The following PABPC4L variants were observed in gnomAD, a reference collection of about 807,000 sequenced individuals.
The protein encoded by PABPC4L is poly(A) binding protein cytoplasmic 4 like, also known as polyadenylate-binding protein 4-like.
For missense variants in PABPC4L, 452 were observed against 451.4 expected (o/e 1.00, Z -0.01); for synonymous variants, 169 against 164.1 (o/e 1.03, Z -0.23).
chr4:133,963,393 G>A, the PABPC4L span, among the ~76,000 whole-genome samples: 19,659 of 151,872 alleles, frequency 0.13, 2,700 homozygotes, highest in East Asian at 0.49. Flanking sequence ...CAATAACAGT[G>A]GAAAACTTCA....
chr4:134,026,491 A>G, the PABPC4L span, among the ~76,000 whole-genome samples: 83 of 152,194 alleles, frequency 5.5e-4, no homozygotes, highest in Middle Eastern at 0.014. Context: ...GTCACCTAGA[A>G]TTATTTCAAA....
chr4:133,980,911 A>G, the PABPC4L span, among the ~76,000 whole-genome samples: 7 of 152,172 alleles, frequency 4.6e-5, 1 homozygote. Flanking sequence ...TAATCCCAAA[A>G]CTTTGGGAGG....
chr4:134,123,261 C>T, the PABPC4L span, among the ~76,000 whole-genome samples: 2 of 151,894 alleles, frequency 1.3e-5, no homozygotes, highest in Non-Finnish European at 2.9e-5. Flanking sequence ...ACCTATTAGC[C>T]TTCTTGTGTT....
the PABPC4L span, among the ~76,000 whole-genome samples, chr4:134,120,585 T>C: frequency 2.0e-5 from 3 of 151,238 alleles, no homozygotes; most frequent in South Asian, 4.1e-4. Context: ...GTCTTTATTA[T>C]AACATCATTT....
At chr4:134,106,109 G>A in the PABPC4L span, among the ~76,000 whole-genome samples, 1 of 151,420 alleles carries the variant, frequency 6.6e-6, no homozygotes. Flanking sequence ...TCATAGCCTG[G>A]TACCAAGCTC....
the PABPC4L span, among the ~76,000 whole-genome samples, chr4:134,112,078 T>A: frequency 1.3e-4 from 19 of 151,964 alleles, no homozygotes; most frequent in African/African-American, 4.6e-4. Context: ...GTAAAATCTG[T>A]ACTCAGAAGA....
chr4:134,017,196 G>T, the PABPC4L span, among the ~76,000 whole-genome samples: 1 of 152,036 alleles, frequency 6.6e-6, no homozygotes, highest in African/African-American at 2.4e-5. Flanking sequence ...ACAGACTAAT[G>T]GTCTTTTAAA....
the PABPC4L span, among the ~76,000 whole-genome samples, chr4:133,968,029 A>G: frequency 2.0e-5 from 3 of 152,320 alleles, no homozygotes; most frequent in South Asian, 4.1e-4. Flanking sequence ...GATAAGACCT[A>G]GATTGGATGG....
At chr4:134,087,435 C>T in the PABPC4L span, among the ~76,000 whole-genome samples, 1 of 152,082 alleles carries the variant, frequency 6.6e-6, no homozygotes, top group Non-Finnish European at 1.5e-5. Flanking sequence ...TTGGAGAGTC[C>T]TATTGCAGGT....
At chr4:133,961,736 C>T in the PABPC4L span, among the ~76,000 whole-genome samples, 15 of 152,036 alleles carry the variant, frequency 9.9e-5, no homozygotes, top group East Asian at 3.9e-4. Flanking sequence ...TGTTTGCTGC[C>T]GTCCCAGACC....
chr4:134,119,734 C>A, the PABPC4L span, among the ~76,000 whole-genome samples: 2 of 151,604 alleles, frequency 1.3e-5, no homozygotes, highest in Non-Finnish European at 3.0e-5. Flanking sequence ...ATTATGTTCT[C>A]CAAAATATAT....
the PABPC4L span, among the ~76,000 whole-genome samples, chr4:134,171,681 A>C: frequency 6.6e-6 from 1 of 152,170 alleles, no homozygotes; most frequent in Non-Finnish European, 1.5e-5. Flanking sequence ...GCAATCAGGC[A>C]AAGAAATGAA....
the PABPC4L span, among the ~76,000 whole-genome samples, chr4:133,951,903 T>A: frequency 3.3e-5 from 5 of 152,284 alleles, no homozygotes; most frequent in African/African-American, 1.2e-4. Flanking sequence ...TTTTCAGAGT[T>A]CTCTCTTTGT....
the PABPC4L span, among the ~76,000 whole-genome samples, chr4:133,992,281 G>C: frequency 1.3e-5 from 2 of 152,194 alleles, no homozygotes; most frequent in African/African-American, 4.8e-5. Flanking sequence ...AGACCTCTCA[G>C]CCATAGTGGA....
At chr4:133,978,463 C>T in the PABPC4L span, among the ~76,000 whole-genome samples, 2 of 151,946 alleles carry the variant, frequency 1.3e-5, no homozygotes, top group African/African-American at 4.8e-5. Flanking sequence ...ATAATAACGA[C>T]AAAATAGCTG....
At chr4:134,032,196 C>T in the PABPC4L span, among the ~76,000 whole-genome samples, 635 of 151,814 alleles carry the variant, frequency 4.2e-3, 5 homozygotes, top group African/African-American at 0.014. Flanking sequence ...GGCACAATTC[C>T]TACAGGAGGG....
At chr4:133,981,426 T>C in the PABPC4L span, among the ~76,000 whole-genome samples, 4 of 152,100 alleles carry the variant, frequency 2.6e-5, no homozygotes, top group Admixed American at 1.3e-4. Flanking sequence ...TAATAATACA[T>C]TGAAAACAAT....
chr4:134,057,927 G>A, the PABPC4L span, among the ~76,000 whole-genome samples: 1 of 151,780 alleles, frequency 6.6e-6, no homozygotes, highest in Non-Finnish European at 1.5e-5. Flanking sequence ...TTTTCTTTTT[G>A]GGGAAGTAAA....
At chr4:134,016,162 T>C in the PABPC4L span, among the ~76,000 whole-genome samples, 1 of 152,216 alleles carries the variant, frequency 6.6e-6, no homozygotes, top group Non-Finnish European at 1.5e-5. Context: ...GGCTATGCTA[T>C]AGTATCTTCC....
Sources: allele counts gnomAD v4.1 joint callset (sites outside exome capture counted in the v4.1 genomes callset), GRCh38; gene constraint gnomAD v4.1.1; transcripts MANE v1.5; gene names NCBI Gene and HGNC (gene_info 2026-07-23, HGNC 2026-07-21).